Variants in SRSF1 observed in about 807,000 individuals in gnomAD.
SRSF1 encodes serine/arginine-rich splicing factor 1.
Under a neutral mutation model 25.9 loss-of-function variants are expected in SRSF1, and 1 was observed. That is an observed-to-expected ratio of 0.04 (90% CI 0.01 to 0.18). The LOEUF (loss-of-function observed/expected upper bound fraction) is 0.18. SRSF1 is among the 10% of genes least tolerant of loss of function. The probability of loss-of-function intolerance (pLI) is 1.00; values close to 1 mark genes in which losing one functional copy is unlikely to be tolerated. For missense variants in SRSF1, 65 were observed against 350.5 expected, an observed-to-expected ratio of 0.19 and a Z score of 6.50; for synonymous variants, 132 against 126.2, an observed-to-expected ratio of 1.05 and a Z score of -0.31.
rs1164630011 is a variant in SRSF1 at position 58,001,235 on chromosome 17, G to A, written c.*4171C>T. On this transcript the variant is annotated 3_prime_UTR_variant, in exon 4 of 4. Transcript: ENST00000258962. Reference sequence around the variant, plus strand: ...GAAATGTGAAAACACCAGCCCTAATGACCAAGACAATGTTTCAAAGACAAC... The same window carrying A: ...GAAATGTGAAAACACCAGCCCTAATAACCAAGACAATGTTTCAAAGACAAC... Among the ~76,000 whole-genome samples the A allele has an allele frequency of 6.6e-6, 1 of 152,042 alleles. No individual in the cohort carries two copies. The highest frequency in any genetic ancestry group is 2.4e-5 in the African/African-American group (1 of 41,400).
intron 1 of SRSF1, 103 bp downstream of exon 1, chr17:58,006,841 C>G (rs766828596): frequency 2.8e-6 from 4 of 1,405,258 alleles, no homozygotes; most frequent in Non-Finnish European, 3.9e-6. Flanking sequence ...GCCCCAACCT[C>G]TCTAAGAGCC....
the SRSF1 span, chr17:57,994,607 T>A: frequency 6.6e-6 from 1 of 152,174 alleles, no homozygotes; most frequent in African/African-American, 2.4e-5. Flanking sequence ...GTACTCGATA[T>A]ATCAAATGGA....
downstream of SRSF1, among the ~76,000 whole-genome samples, chr17:57,999,276 C>A (rs911754428): frequency 6.6e-6 from 1 of 152,236 alleles, no homozygotes; most frequent in African/African-American, 2.4e-5. Context: ...ATATTCATTT[C>A]TTCTAGTTCA....
Position 58,005,228 on chromosome 17 carries a change from A to G in SRSF1, c.*178T>C, listed in dbSNP as rs1241430713. The stretch of plus-strand genomic sequence containing the variant: ...TGTCTATGACATCACTTAAAATACA[A>G]TTTATCAAAGACACGAAGGGAATGT... On this transcript the variant is annotated 3_prime_UTR_variant, in exon 4 of 4. Coordinates refer to ENST00000258962, the MANE Select transcript of SRSF1 (RefSeq NM_006924.5). The surrounding 1 kb of genome is among the most constrained non-coding windows in gnomAD (Gnocchi z 5.2). 1.5e-6 allele frequency: 1 copy of G among 657,858 alleles called. No homozygotes were observed. Among genetic ancestry groups the G allele is most frequent in the Non-Finnish European group, 2.6e-6 (1 of 388,442 alleles). 40.8% of individuals were successfully genotyped at this position (657,858 alleles called of 1,614,324 possible). A position where few individuals can be genotyped will look rare whatever the true frequency, so the allele number is the denominator to read the frequency against.
the SRSF1 span, chr17:57,989,990 G>A: frequency 4.6e-5 from 17 of 369,112 alleles, no homozygotes; most frequent in African/African-American, 3.3e-4. Flanking sequence ...TAGCAAATCT[G>A]CTTCTTCCCT....
Position 58,007,156 on chromosome 17 carries a change from G to C in SRSF1, c.-19C>G. 1 of 1,613,254 alleles carries C rather than the reference G, an allele frequency of 6.2e-7. No homozygotes were observed. ...CCGACATGGCGGTGACGAAAAGCGC[G>C]GACTCGAGAACAGGCCTTCCCACCA... is the stretch of plus-strand genomic sequence containing the variant. On this transcript the variant is annotated 5_prime_UTR_variant, in exon 1 of 4. Coordinates refer to ENST00000258962, the MANE Select transcript of SRSF1 (RefSeq NM_006924.5).
downstream of SRSF1, among the ~76,000 whole-genome samples, chr17:57,996,905 C>T (rs1364174219): frequency 6.6e-6 from 1 of 152,134 alleles, no homozygotes; most frequent in Non-Finnish European, 1.5e-5. Context: ...CACAATACAT[C>T]GTTATGTATT....
rs2075426449 is a variant in SRSF1, at chr17:58,006,259, G to A, written c.379+84C>T. The A allele has an allele frequency of 6.1e-6, 9 of 1,464,498 alleles. No homozygotes were observed. The Admixed American group carries it at 9.1e-5, about 15-fold the overall frequency. The allele number at this position is 1,464,498 out of a possible 1,614,324, so 90.7% of individuals were successfully genotyped here. A position where few individuals can be genotyped will look rare whatever the true frequency, so the allele number is the denominator to read the frequency against. On this transcript the variant is annotated intron_variant, in intron 2 of 3. Transcript: ENST00000258962. ...ATTTAAGACCTAGCATGAAAAATTTGCAATTATTAAACCTGTCACGCAAGA... is the reference window on the plus strand; with the variant it reads ...ATTTAAGACCTAGCATGAAAAATTTACAATTATTAAACCTGTCACGCAAGA...
chr17:57,999,005 C>T (rs970896084), downstream of SRSF1, among the ~76,000 whole-genome samples: 6 of 152,108 alleles, frequency 3.9e-5, no homozygotes, highest in African/African-American at 9.7e-5. Flanking sequence ...GGGGAGAAAG[C>T]GGTGATGGGA....
In SRSF1 at chr17:58,005,346, G is replaced by T; in HGVS notation, c.*60C>A. ...GTTTGAATTAAAAAATGAAAAGATTGTACTGAATAAAGGAAAACTGTATAC... is the reference window on the plus strand; with the variant it reads ...GTTTGAATTAAAAAATGAAAAGATTTTACTGAATAAAGGAAAACTGTATAC... On this transcript the variant is annotated 3_prime_UTR_variant, in exon 4 of 4. Transcript: ENST00000258962. This position sits in a 1 kb window ranked among gnomAD's most constrained non-coding sequence, Gnocchi z 5.2. 6.4e-7 allele frequency: 1 copy of T among 1,567,226 alleles called. No individual in the cohort carries two copies. The highest frequency in any genetic ancestry group is 8.7e-7 in the Non-Finnish European group (1 of 1,144,572).
At chr17:57,995,718 C>A in the SRSF1 span, among the ~76,000 whole-genome samples, 1 of 152,076 alleles carries the variant, frequency 6.6e-6, no homozygotes, top group African/African-American at 2.4e-5. Context: ...TAAAAAGCAA[C>A]GTGATAGTAA....
rs960999409 is a variant in SRSF1 at position 58,003,062 on chromosome 17, C to T, written c.*2344G>A. On this transcript the variant is annotated 3_prime_UTR_variant, in exon 4 of 4. Coordinates refer to ENST00000258962, the MANE Select transcript of SRSF1 (RefSeq NM_006924.5). ...TCTGTGCTGATGTTAACATTTAATA[C>T]TTACCTTTTTTTGAGATGAGTTTCA... 1.3e-5 allele frequency among the ~76,000 whole-genome samples: 2 copies of T among 152,218 alleles called. No homozygotes were observed. Among genetic ancestry groups the T allele is most frequent in the Non-Finnish European group, 2.9e-5 (2 of 68,036 alleles).
In SRSF1 at chr17:58,003,716, C is replaced by T. The variant is rs1461247934; in HGVS notation, c.*1690G>A. The T allele has an allele frequency of 2.6e-5, 4 of 152,518 alleles. No individual in the cohort carries two copies. Among genetic ancestry groups the T allele is most frequent in the African/African-American group, 9.7e-5 (4 of 41,372 alleles). The allele number at this position is 152,518 out of a possible 1,614,324, so 9.4% of individuals were successfully genotyped here. On this transcript the variant is annotated 3_prime_UTR_variant, in exon 4 of 4. Coordinates refer to ENST00000258962, the MANE Select transcript of SRSF1 (RefSeq NM_006924.5). ...CGTTTATCTCCAGGTCCTCGCTTTG[C>T]TCCTTTTACCAAAAAACGCAAAACA... is the stretch of plus-strand genomic sequence containing the variant.
Position 58,005,402 on chromosome 17 carries a change from CATCTT to C in SRSF1, c.746_*3del. The C allele has an allele frequency of 6.2e-7, 1 of 1,612,558 alleles. No homozygotes were observed. Among genetic ancestry groups the C allele is most frequent in the Middle Eastern group, 1.7e-4 (1 of 6,052 alleles). On this transcript the variant is annotated stop_retained_variant and 3_prime_UTR_variant, in exon 4 of 4. Coordinates refer to ENST00000258962, the MANE Select transcript of SRSF1 (RefSeq NM_006924.5). This position sits in a 1 kb window ranked among gnomAD's most constrained non-coding sequence, Gnocchi z 5.2. The stretch of plus-strand genomic sequence containing the variant: ...GGGTTCTACAAAAAGTGTCACCAAT[CATCTT>C]ATGTACGAGAGCGAGATCTGCTATG...
At chr17:58,000,075 G>A (rs1310721678), downstream of SRSF1, among the ~76,000 whole-genome samples, 1 of 152,014 alleles carries the variant, frequency 6.6e-6, no homozygotes, top group Non-Finnish European at 1.5e-5. Context: ...TGTTATATTT[G>A]CCTAAATTAA....
downstream of SRSF1, among the ~76,000 whole-genome samples, chr17:58,000,113 A>G (rs116635846): frequency 1.7e-3 from 265 of 152,254 alleles, 3 homozygotes; most frequent in African/African-American, 6.1e-3. Flanking sequence ...CATTTATTCA[A>G]TTTTTATTCT....
the SRSF1 span, chr17:57,989,250 C>T: frequency 5.0e-6 from 2 of 398,578 alleles, no homozygotes; most frequent in East Asian, 7.1e-5. Context: ...TCTATCCTTT[C>T]CTCACACAGA....
At chr17:57,992,533 G>A in the SRSF1 span, 6 of 152,072 alleles carry the variant, frequency 3.9e-5, no homozygotes, top group Middle Eastern at 3.4e-3. Context: ...AAAGTTTCTC[G>A]AGTACAGAGG....
the SRSF1 span, chr17:57,992,947 C>T: frequency 2.6e-5 from 4 of 152,424 alleles, no homozygotes; most frequent in Middle Eastern, 6.8e-3. Context: ...GACATGACCT[C>T]ATGACTAGCA....
Sources: gnomAD v4.1 joint callset for allele counts (sites outside exome capture counted in the v4.1 genomes callset) on GRCh38, gnomAD v4.1.1 for gene constraint, Gnocchi (gnomAD v3.1) non-coding constraint, MANE v1.5 for transcripts, NCBI Gene and HGNC (gene_info 2026-07-23, HGNC 2026-07-21) for gene names.